Variants in CFAP61 observed in about 807,000 individuals in gnomAD.
CFAP61 encodes the protein cilia- and flagella-associated protein 61.
Under a neutral mutation model 135.6 loss-of-function variants are expected in CFAP61, and 107 were observed. The ratio of observed to expected loss-of-function variants is 0.79; its 90% CI spans 0.67 to 0.93. The LOEUF (loss-of-function observed/expected upper bound fraction) is 0.93. Among genes scored for constraint, CFAP61 ranks in the 40% least tolerant of loss-of-function variants. The pLI is 0.00. For missense variants in CFAP61, 1,507 were observed against 1,556.2 expected (o/e 0.97, Z 0.53); for synonymous variants, 575 against 578.5 (o/e 0.99, Z 0.09).
chr20:20,250,495 T>A (rs1262412909), intron 19 of CFAP61, among the ~76,000 whole-genome samples: 2 of 152,138 alleles, frequency 1.3e-5, no homozygotes, highest in African/African-American at 4.8e-5. Flanking sequence ...GTGCCTCCAG[T>A]CCCAGCTACT....
At chr20:20,336,382 C>G (rs186227957) in intron 25 of CFAP61, among the ~76,000 whole-genome samples, 73 of 152,222 alleles carry the variant, frequency 4.8e-4, no homozygotes, top group African/African-American at 1.6e-3. Context: ...GCCTGTAATT[C>G]TAGCTACTTG....
chr20:20,267,309 G>A (rs2052841187), intron 21 of CFAP61, among the ~76,000 whole-genome samples: 1 of 152,212 alleles, frequency 6.6e-6, no homozygotes, highest in Non-Finnish European at 1.5e-5. Flanking sequence ...CCAGAGGCAT[G>A]GGCAGGGACA....
rs545088923 is a variant in CFAP61, at chr20:20,243,009, C to T, written c.2061-3108C>T. Among the ~76,000 whole-genome samples, 28 of 152,268 alleles carry T rather than the reference C, an allele frequency of 1.8e-4. 1 individual carries two copies. The highest frequency in any genetic ancestry group is 1.0e-3 in the South Asian group (5 of 4,824). The stretch of plus-strand genomic sequence containing the variant: ...ATATGGTTGTATTAGTCTGTTCTCA[C>T]GCTGCTGATAAAGACATACCTGAGA... On this transcript the variant is annotated intron_variant, in intron 18 of 26. Transcript: ENST00000245957.
intron 2 of CFAP61, among the ~76,000 whole-genome samples, chr20:20,066,660 C>G (rs1185963200): frequency 6.6e-6 from 1 of 151,954 alleles, no homozygotes; most frequent in Non-Finnish European, 1.5e-5. Context: ...GGGAACATCA[C>G]GCACCAGGGC....
At chr20:20,177,111 GT>G (rs1277367784) in intron 13 of CFAP61, among the ~76,000 whole-genome samples, 1 of 151,534 alleles carries the variant, frequency 6.6e-6, no homozygotes, top group East Asian at 1.9e-4. Context: ...TAACCTTTTG[GT>G]TAGATTTGTA....
At chr20:20,284,250 CTTTATTTTATTTTATTTTAT>C (rs749504536) in intron 22 of CFAP61, among the ~76,000 whole-genome samples, 6 of 145,084 alleles carry the variant, frequency 4.1e-5, no homozygotes, top group African/African-American at 1.3e-4. Context: ...TCAATTGGCT[CTTTATTTTATTTTATTTTAT>C]TTTATTTTAT....
At chr20:20,105,656 G>A (rs1383898968) in intron 8 of CFAP61, among the ~76,000 whole-genome samples, 4 of 115,612 alleles carry the variant, frequency 3.5e-5, no homozygotes, top group African/African-American at 1.3e-4. Flanking sequence ...TTTTGAGACG[G>A]AGTCTCGCTC....
At chr20:20,109,578 G>C (rs2048654764) in intron 8 of CFAP61, among the ~76,000 whole-genome samples, 1 of 152,144 alleles carries the variant, frequency 6.6e-6, no homozygotes, top group Admixed American at 6.5e-5. Context: ...CAGCAAGGCA[G>C]ACTCCCTTCC....
chr20:20,105,574 G>A (rs1345422739), intron 8 of CFAP61, among the ~76,000 whole-genome samples: 1 of 152,106 alleles, frequency 6.6e-6, no homozygotes, highest in Non-Finnish European at 1.5e-5. Context: ...TTTACTTAAT[G>A]TTCATACATA....
At chr20:20,261,257 T>C (rs1406619392) in intron 20 of CFAP61, among the ~76,000 whole-genome samples, 5 of 152,224 alleles carry the variant, frequency 3.3e-5, no homozygotes, top group African/African-American at 7.2e-5. Flanking sequence ...ATTGAGGAAG[T>C]GTATAACCAA....
intron 25 of CFAP61, chr20:20,322,984 A>C (rs1433134734): frequency 6.1e-6 from 6 of 985,374 alleles, no homozygotes; most frequent in Non-Finnish European, 7.2e-6. Flanking sequence ...CATAATAATG[A>C]CTTTGTTTTC....
chr20:20,151,847 A>AAAAAAAG (rs2052459977), intron 9 of CFAP61, among the ~76,000 whole-genome samples: 1 of 150,940 alleles, frequency 6.6e-6, no homozygotes, highest in Admixed American at 6.6e-5. Flanking sequence ...AAAAAAAAAA[A>AAAAAAAG]AGAAGCTCAA....
chr20:20,067,093 TAAA>T (rs554114024), intron 2 of CFAP61, among the ~76,000 whole-genome samples: 1 of 143,676 alleles, frequency 7.0e-6, no homozygotes, highest in African/African-American at 2.6e-5. Context: ...ATCTGACTCT[TAAA>T]AAAAAAAAAG....
chr20:20,171,728 A>G (rs11696933), intron 13 of CFAP61: 83,471 of 651,012 alleles, frequency 0.13, 6,275 homozygotes, highest in Non-Finnish European at 0.15. Context: ...ACATTTTGCT[A>G]ACTGTGTTTC....
intron 8 of CFAP61, among the ~76,000 whole-genome samples, chr20:20,129,407 T>C (rs2050330194): frequency 6.6e-6 from 1 of 151,832 alleles, no homozygotes; most frequent in Non-Finnish European, 1.5e-5. Flanking sequence ...CCACCTGCCC[T>C]GTATGGTTTC....
At chr20:20,089,844 A>G (rs1010299852) in intron 6 of CFAP61, among the ~76,000 whole-genome samples, 1 of 152,180 alleles carries the variant, frequency 6.6e-6, no homozygotes, top group Non-Finnish European at 1.5e-5. Flanking sequence ...CAGGAGGGTG[A>G]GCAGTGCTCC....
intron 8 of CFAP61, among the ~76,000 whole-genome samples, chr20:20,102,035 ACTC>A (rs1433602531): frequency 1.3e-5 from 2 of 151,690 alleles, no homozygotes; most frequent in African/African-American, 4.8e-5. Flanking sequence ...GCTCCAAACA[ACTC>A]CTATCTGCTG....
At chr20:20,317,662 C>T (rs1180562631) in intron 25 of CFAP61, among the ~76,000 whole-genome samples, 1 of 152,140 alleles carries the variant, frequency 6.6e-6, no homozygotes, top group Non-Finnish European at 1.5e-5. Flanking sequence ...CCCACGGTAC[C>T]CTCTTGGCCC....
intron 1 of CFAP61, 169 bp downstream of exon 1, chr20:20,052,760 T>C (rs1292511505): frequency 6.4e-7 from 1 of 1,554,216 alleles, no homozygotes; most frequent in South Asian, 1.2e-5. Context: ...ATCTGGATGC[T>C]CGAGGGCGGG....
Sources: allele counts gnomAD v4.1 joint callset (sites outside exome capture counted in the v4.1 genomes callset), GRCh38; gene constraint gnomAD v4.1.1; transcripts MANE v1.5; gene names NCBI Gene and HGNC (gene_info 2026-07-23, HGNC 2026-07-21).